CHN2: variants seen among roughly 807,000 people sequenced by gnomAD.
CHN2 encodes the protein chimerin 2.
CHN2 carries 35 observed loss-of-function variants against 56.3 expected under a neutral mutation model. That is an observed-to-expected ratio of 0.62 (90% CI 0.47 to 0.82). CHN2 has a LOEUF of 0.82. Among genes scored for constraint, CHN2 ranks in the 40% least tolerant of loss-of-function variants. The probability of loss-of-function intolerance (pLI) is 0.00; values close to 1 mark genes in which losing one functional copy is unlikely to be tolerated. For missense variants in CHN2, 491 were observed against 580.5 expected, an observed-to-expected ratio of 0.85 and a Z score of 1.58; for synonymous variants, 210 against 212.8, an observed-to-expected ratio of 0.99 and a Z score of 0.12.
chr7:29,448,896 C>G (rs540395027), intron 6 of CHN2, among the ~76,000 whole-genome samples: 28 of 152,330 alleles, frequency 1.8e-4, no homozygotes, highest in African/African-American at 6.5e-4. Flanking sequence ...TCCTTGAGAA[C>G]AGAAACCAGT....
At chr7:29,272,754 T>A (rs1212583042) in intron 1 of CHN2, among the ~76,000 whole-genome samples, 1 of 152,240 alleles carries the variant, frequency 6.6e-6, no homozygotes, top group African/African-American at 2.4e-5. Flanking sequence ...GTCAATTTAC[T>A]TCAAACCATA....
chr7:29,223,041 C>CA, intron 1 of CHN2, among the ~76,000 whole-genome samples: 1 of 152,032 alleles, frequency 6.6e-6, no homozygotes, highest in Non-Finnish European at 1.5e-5. Flanking sequence ...AAAATTTGGG[C>CA]AAAATACTTG....
intron 6 of CHN2, among the ~76,000 whole-genome samples, chr7:29,434,019 A>G: frequency 6.6e-6 from 1 of 151,924 alleles, no homozygotes; most frequent in Non-Finnish European, 1.5e-5. Context: ...ATGTGCACCA[A>G]CCTCTGAGGA....
chr7:29,426,206 C>CAAAAAA (rs10630481), intron 6 of CHN2, among the ~76,000 whole-genome samples: 8 of 83,904 alleles, frequency 9.5e-5, no homozygotes, highest in Admixed American at 3.4e-4. Flanking sequence ...GACTCTGTCT[C>CAAAAAA]AAAAAAAAAA....
rs746515433 is a variant in CHN2 at position 29,321,666 on chromosome 7, G to A, written c.50-32959G>A. On this transcript the variant is annotated intron_variant, in intron 1 of 12. Transcript: ENST00000222792. ...GCTCACCACAACCTCCACCTCCCGC[G>A]TTCAAGTAATTCTCCTGCCTCAGCC... Among the ~76,000 whole-genome samples the A allele has an allele frequency of 1.2e-4, 18 of 148,948 alleles. No individual in the cohort carries two copies. The South Asian group carries it at 1.5e-3, about 12-fold the overall frequency.
intron 1 of CHN2, chr7:29,197,963 T>C (rs936995062): frequency 1.3e-5 from 6 of 456,250 alleles, no homozygotes; most frequent in Admixed American, 1.2e-4. Flanking sequence ...GAGAAGAGCT[T>C]AGGTAAAGGC....
At chr7:29,382,035 G>A (rs1261062122) in intron 3 of CHN2, among the ~76,000 whole-genome samples, 2 of 152,134 alleles carry the variant, frequency 1.3e-5, no homozygotes, top group Non-Finnish European at 2.9e-5. Context: ...CTGTGCCTCA[G>A]TTAGTCCTCT....
chr7:29,226,482 C>T (rs763923242), intron 1 of CHN2, among the ~76,000 whole-genome samples: 5 of 152,128 alleles, frequency 3.3e-5, no homozygotes, highest in South Asian at 4.1e-4. Flanking sequence ...ATCTTGGAAA[C>T]GTCACAGAGC....
intron 1 of CHN2, among the ~76,000 whole-genome samples, chr7:29,213,888 T>TA (rs141768623): frequency 0.13 from 20,090 of 151,944 alleles, 1,695 homozygotes; most frequent in Non-Finnish European, 0.19. Flanking sequence ...GCTTAAACAT[T>TA]AAAAAAAAGA....
At chr7:29,230,373 C>T (rs1168024349) in intron 1 of CHN2, among the ~76,000 whole-genome samples, 1 of 152,164 alleles carries the variant, frequency 6.6e-6, no homozygotes, top group East Asian at 1.9e-4. Flanking sequence ...CAGAGTCTCG[C>T]TCTGTCTTCT....
At chr7:29,419,061 T>C (rs1804066012) in intron 6 of CHN2, among the ~76,000 whole-genome samples, 1 of 152,114 alleles carries the variant, frequency 6.6e-6, no homozygotes, top group Non-Finnish European at 1.5e-5. Context: ...TTTTTTAAAT[T>C]TTCCAAGAAC....
chr7:29,307,325 T>A (rs1276539616), intron 1 of CHN2, among the ~76,000 whole-genome samples: 1 of 152,182 alleles, frequency 6.6e-6, no homozygotes, highest in South Asian at 2.1e-4. Flanking sequence ...ATCATCCAGT[T>A]TGAAGGGAAA....
chr7:29,215,493 C>G (rs1785267773), intron 1 of CHN2, among the ~76,000 whole-genome samples: 1 of 152,126 alleles, frequency 6.6e-6, no homozygotes. Flanking sequence ...CTCCTTAATG[C>G]CAGGAAAGCA....
rs953197269 is a variant in CHN2, at chr7:29,317,296, G to A, written c.50-37329G>A. Among the ~76,000 whole-genome samples, 9 of 152,282 alleles carry A rather than the reference G, an allele frequency of 5.9e-5. No individual in the cohort carries two copies. The East Asian group carries it at 1.7e-3, about 29-fold the overall frequency. On this transcript the variant is annotated intron_variant, in intron 1 of 12. Coordinates refer to ENST00000222792, the MANE Select transcript of CHN2 (RefSeq NM_004067.4). ...CATAAACTATTTTATTAATTTCTCT[G>A]GAGTTTTAAATTGGTACGAGTAATG... is the stretch of plus-strand genomic sequence containing the variant.
At chr7:29,504,402 C>T (rs987031819) in intron 9 of CHN2, among the ~76,000 whole-genome samples, 5 of 152,108 alleles carry the variant, frequency 3.3e-5, no homozygotes, top group Non-Finnish European at 5.9e-5. Flanking sequence ...TTGCTTCCTA[C>T]GATGACGAAA....
chr7:29,246,619 T>G (rs980982474), intron 1 of CHN2, among the ~76,000 whole-genome samples: 2 of 152,150 alleles, frequency 1.3e-5, no homozygotes, highest in African/African-American at 4.8e-5. Context: ...TCACATAACT[T>G]AAGTACGTGT....
At chr7:29,337,268 C>T (rs536229176) in intron 1 of CHN2, among the ~76,000 whole-genome samples, 9 of 152,268 alleles carry the variant, frequency 5.9e-5, no homozygotes, top group African/African-American at 1.9e-4. Flanking sequence ...GGTACCAGTA[C>T]AAACAGCTTC....
intron 2 of CHN2, among the ~76,000 whole-genome samples, chr7:29,360,064 A>C (rs1177694822): frequency 6.6e-6 from 1 of 152,236 alleles, no homozygotes; most frequent in East Asian, 1.9e-4. Flanking sequence ...GCCTTACCCC[A>C]GATCTCTGGA....
At chr7:29,410,696 G>A (rs1416413101) in intron 6 of CHN2, among the ~76,000 whole-genome samples, 1 of 151,940 alleles carries the variant, frequency 6.6e-6, no homozygotes, top group East Asian at 1.9e-4. Flanking sequence ...TGTTTTTGAA[G>A]AAACTGGAGG....
Sources: gnomAD v4.1 joint callset for allele counts (sites outside exome capture counted in the v4.1 genomes callset) on GRCh38, gnomAD v4.1.1 for gene constraint, MANE v1.5 for transcripts, NCBI Gene and HGNC (gene_info 2026-07-23, HGNC 2026-07-21) for gene names.